The following WDR7 variants were observed in gnomAD, a reference collection of about 807,000 sequenced individuals.
The protein encoded by WDR7 is WD repeat-containing protein 7.
WDR7 carries 46 observed loss-of-function variants against 169.4 expected under a neutral mutation model. That is an observed-to-expected ratio of 0.27 (90% CI 0.21 to 0.35). The LOEUF (loss-of-function observed/expected upper bound fraction) is 0.35. WDR7 is among the 10% of genes least tolerant of loss of function. The pLI is 1.00. For synonymous variants in WDR7, 612 were observed against 666.8 expected, an observed-to-expected ratio of 0.92 and a Z score of 1.27; for missense variants, 1,534 against 1,859.3, an observed-to-expected ratio of 0.83 and a Z score of 3.22.
intron 26 of WDR7, among the ~76,000 whole-genome samples, chr18:56,973,071 T>C (rs2047514346): frequency 6.6e-6 from 1 of 152,206 alleles, no homozygotes; most frequent in Non-Finnish European, 1.5e-5. Flanking sequence ...TTTCACCATG[T>C]TGGCCAGGCT....
intron 26 of WDR7, chr18:57,009,878 A>G: frequency 1.0e-6 from 1 of 985,378 alleles, no homozygotes; most frequent in Non-Finnish European, 1.2e-6. Flanking sequence ...AGGAGCGGGA[A>G]CACATGTGAA....
chr18:56,830,775 C>T (rs545943745), intron 20 of WDR7, among the ~76,000 whole-genome samples: 7 of 152,302 alleles, frequency 4.6e-5, no homozygotes, highest in African/African-American at 9.6e-5. Flanking sequence ...GGCACAATCT[C>T]GGCTCACTGC....
chr18:56,729,577 G>A (rs1359636746), intron 13 of WDR7, among the ~76,000 whole-genome samples: 1 of 151,866 alleles, frequency 6.6e-6, no homozygotes, highest in Non-Finnish European at 1.5e-5. Flanking sequence ...TTTAAACATT[G>A]TTTTTGTAAC....
At chr18:56,740,509 A>G (rs910049191) in intron 14 of WDR7, among the ~76,000 whole-genome samples, 5 of 152,180 alleles carry the variant, frequency 3.3e-5, no homozygotes, top group African/African-American at 1.2e-4. Context: ...TTCAAATGAT[A>G]TCCTCTTCTA....
rs138443774 is a variant in WDR7 at position 56,757,089 on chromosome 18, C to A, written c.2496C>A (p.Thr832=). Residue 832 remains threonine, a synonymous_variant, in exon 15 of 28, where the codon ACC becomes ACA. Transcript: ENST00000254442. ...TTGGAATGCTGAAACCCCACTGCAC[C>A]GTATCGTTTGGCCTCTTGTCAAGAG... ...DRLGMLKPHC[T]VSFGLLSRGG... is the part of the protein sequence containing the mutation. The A allele has an allele frequency of 6.2e-7, 1 of 1,614,076 alleles. No homozygotes were observed. Among genetic ancestry groups the A allele is most frequent in the East Asian group, 2.2e-5 (1 of 44,876 alleles).
chr18:56,886,735 T>C lies in WDR7; in HGVS notation c.3526+6570T>C, dbSNP rs139382223. ...TTCTGCTGTCTTCAAGACACTCACC[T>C]AACACATAAGGACTCATGTAAACTT... On this transcript the variant is annotated intron_variant, in intron 21 of 27. Transcript: ENST00000254442. 7.8e-3 allele frequency among the ~76,000 whole-genome samples: 1,186 copies of C among 152,312 alleles called. 5 individuals are homozygous for C. Among genetic ancestry groups the C allele is most frequent in the Non-Finnish European group, 0.013 (884 of 68,014 alleles).
At chr18:56,976,722 CCT>C (rs2047571040) in intron 26 of WDR7, among the ~76,000 whole-genome samples, 4 of 152,166 alleles carry the variant, frequency 2.6e-5, no homozygotes, top group Admixed American at 2.6e-4. Flanking sequence ...TAAGAAAACC[CCT>C]TTCTCTTGTC....
At chr18:56,800,726 C>G (rs1018501035) in intron 19 of WDR7, among the ~76,000 whole-genome samples, 1 of 152,196 alleles carries the variant, frequency 6.6e-6, no homozygotes, top group African/African-American at 2.4e-5. Flanking sequence ...ATAGGGAGCT[C>G]TTTTAAGTTT....
At chr18:56,771,895 A>G (rs933403641) in intron 16 of WDR7, among the ~76,000 whole-genome samples, 2 of 151,556 alleles carry the variant, frequency 1.3e-5, no homozygotes, top group African/African-American at 2.4e-5. Flanking sequence ...AGAAGAAGAA[A>G]AAAAAAATAC....
chr18:56,942,334 C>A (rs1056626466), intron 25 of WDR7, among the ~76,000 whole-genome samples: 4 of 152,108 alleles, frequency 2.6e-5, no homozygotes, highest in African/African-American at 9.7e-5. Context: ...GATCTAAAGG[C>A]AACTAGGGGT....
At chr18:57,004,140 A>T (rs1398927444) in intron 26 of WDR7, among the ~76,000 whole-genome samples, 1 of 152,048 alleles carries the variant, frequency 6.6e-6, no homozygotes, top group Non-Finnish European at 1.5e-5. Flanking sequence ...ACCTGAGGTT[A>T]TGGGTGTAGG....
chr18:56,777,846 T>C (rs1486706559), intron 17 of WDR7, among the ~76,000 whole-genome samples: 1 of 152,184 alleles, frequency 6.6e-6, no homozygotes, highest in Non-Finnish European at 1.5e-5. Flanking sequence ...TTCCTTGTCA[T>C]AGAACTTTAA....
At chr18:56,899,366 T>A (rs996605914) in intron 21 of WDR7, among the ~76,000 whole-genome samples, 3 of 152,112 alleles carry the variant, frequency 2.0e-5, no homozygotes, top group Non-Finnish European at 4.4e-5. Flanking sequence ...CCCCACTATA[T>A]TACATGAAAT....
chr18:56,859,450 T>C (rs2045771248), intron 20 of WDR7, among the ~76,000 whole-genome samples: 1 of 152,144 alleles, frequency 6.6e-6, no homozygotes, highest in Non-Finnish European at 1.5e-5. Context: ...TTCTTTATCC[T>C]TGAGATTTCT....
At chr18:56,891,452 C>T (rs1599134297) in intron 21 of WDR7, among the ~76,000 whole-genome samples, 1 of 152,016 alleles carries the variant, frequency 6.6e-6, no homozygotes, top group Non-Finnish European at 1.5e-5. Context: ...GAAAAAAATG[C>T]CTGACATATA....
At chr18:56,906,047 CT>C (rs67610815) in intron 21 of WDR7, among the ~76,000 whole-genome samples, 117,713 of 151,966 alleles carry the variant, frequency 0.77, 46,387 homozygotes, top group East Asian at 0.95. Context: ...TTTGCCACCC[CT>C]AATGTATTAA....
At chr18:56,696,593 T>A in intron 12 of WDR7, 131 bp downstream of exon 12, 1 of 814,556 alleles carries the variant, frequency 1.2e-6, no homozygotes, top group Non-Finnish European at 1.9e-6. Flanking sequence ...CTTTCAATTT[T>A]AAAACTAAAA....
chr18:56,763,126 A>AT (rs1368776950), intron 16 of WDR7, among the ~76,000 whole-genome samples: 1 of 151,648 alleles, frequency 6.6e-6, no homozygotes, highest in African/African-American at 2.4e-5. Flanking sequence ...CGCCCAGCTA[A>AT]TTTTTTGTAT....
In WDR7 at chr18:56,696,284, T is replaced by C. The variant is rs1321474202; in HGVS notation, c.1400T>C (p.Val467Ala). 5 of 1,614,012 alleles carry C rather than the reference T, an allele frequency of 3.1e-6. No homozygotes were observed. Among genetic ancestry groups the C allele is most frequent in the Middle Eastern group, 3.3e-4 (2 of 6,082 alleles). The change falls in exon 12 of 28, where the codon GTC becomes GCC. Residue 467 changes from valine (V) to alanine (A), a missense_variant. Coordinates refer to ENST00000254442, the MANE Select transcript of WDR7 (RefSeq NM_015285.3). ...HRTLRGHRNKVTCLLYPHQVS... is the reference protein window; with the variant it reads ...HRTLRGHRNKATCLLYPHQVS... ...ACACTCCGTGGTCATCGGAACAAAG[T>C]CACATGTTTGCTATATCCTCATCAG...
Sources: allele counts gnomAD v4.1 joint callset (sites outside exome capture counted in the v4.1 genomes callset), GRCh38; gene constraint gnomAD v4.1.1; transcripts MANE v1.5; gene names NCBI Gene and HGNC (gene_info 2026-07-23, HGNC 2026-07-21).